Variants in LRPPRC observed in about 807,000 individuals in gnomAD.
LRPPRC encodes leucine rich pentatricopeptide repeat containing.
A neutral mutation model predicts 180.3 loss-of-function variants in LRPPRC; 120 were observed. The observed-to-expected ratio is 0.67, with a 90% confidence interval of 0.57 to 0.77. The LOEUF is 0.77. LRPPRC is among the 30% of genes least tolerant of loss of function. The pLI is 0.00. For missense variants in LRPPRC, 2,012 were observed against 1,657.2 expected (o/e 1.21, Z -3.72); for synonymous variants, 723 against 600.0 (o/e 1.21, Z -3.00).
chr2:43,957,758 T>A (rs1161461350), intron 13 of LRPPRC, among the ~76,000 whole-genome samples: 2 of 152,130 alleles, frequency 1.3e-5, no homozygotes, highest in Non-Finnish European at 2.9e-5. Context: ...GTACACACAC[T>A]GAGGCTGTAT....
intron 11 of LRPPRC, 39 bp from the exon 12 acceptor site, chr2:43,963,745 TAGAATA>T: frequency 9.6e-7 from 1 of 1,045,772 alleles, no homozygotes; most frequent in Non-Finnish European, 1.5e-6. Flanking sequence ...ATAGAGAACT[TAGAATA>T]AAGTAAGAAA....
chr2:43,889,229 C>G (rs1279698495), intron 37 of LRPPRC, among the ~76,000 whole-genome samples: 2 of 139,602 alleles, frequency 1.4e-5, no homozygotes, highest in East Asian at 2.2e-4. Flanking sequence ...GCAGGAGAAT[C>G]GCTTGGACCT....
chr2:43,918,866 T>TCTCTATATATAG (rs1558938812), intron 27 of LRPPRC, among the ~76,000 whole-genome samples: 1 of 149,128 alleles, frequency 6.7e-6, no homozygotes, highest in African/African-American at 2.4e-5. Context: ...TATATAGATA[T>TCTCTATATATAG]AGATAGATAG....
At chr2:43,954,166 C>G (rs181507032) in intron 14 of LRPPRC, among the ~76,000 whole-genome samples, 1 of 152,274 alleles carries the variant, frequency 6.6e-6, no homozygotes, top group Non-Finnish European at 1.5e-5. Context: ...ACATTTCTCT[C>G]TCATCTCTGC....
chr2:43,896,952 A>G (rs1670709179), intron 34 of LRPPRC, among the ~76,000 whole-genome samples: 1 of 152,222 alleles, frequency 6.6e-6, no homozygotes. Flanking sequence ...GAAAAGGGAA[A>G]AATTAAACTA....
chr2:43,889,986 G>A (rs1670428500), intron 36 of LRPPRC, 110 bp from the exon 37 acceptor site: 3 of 752,320 alleles, frequency 4.0e-6, no homozygotes, highest in South Asian at 1.5e-5. Context: ...CACGGCAAAT[G>A]AACACTTAAC....
chr2:43,969,179 G>A (rs1198732175), intron 11 of LRPPRC, among the ~76,000 whole-genome samples: 2 of 152,164 alleles, frequency 1.3e-5, no homozygotes, highest in Non-Finnish European at 2.9e-5. Flanking sequence ...TTGGGAGGCC[G>A]AGGCGGGTGG....
chr2:43,921,097 G>C (rs1405015985), intron 27 of LRPPRC, among the ~76,000 whole-genome samples: 2 of 152,106 alleles, frequency 1.3e-5, no homozygotes, highest in Non-Finnish European at 2.9e-5. Flanking sequence ...TTCGAGACCA[G>C]CCTGGACAAC....
intron 11 of LRPPRC, among the ~76,000 whole-genome samples, chr2:43,965,513 T>C (rs1186252900): frequency 6.6e-6 from 1 of 152,100 alleles, no homozygotes; most frequent in Admixed American, 6.5e-5. Flanking sequence ...AACAGTGAAG[T>C]GGAACCACAT....
intron 25 of LRPPRC, among the ~76,000 whole-genome samples, chr2:43,932,426 A>G (rs1313605265): frequency 6.6e-6 from 1 of 152,128 alleles, no homozygotes. Context: ...CATGACTTGT[A>G]GTATTCTTTC....
At chr2:43,938,413 A>G (rs1672351614) in intron 23 of LRPPRC, among the ~76,000 whole-genome samples, 1 of 152,228 alleles carries the variant, frequency 6.6e-6, no homozygotes, top group South Asian at 2.1e-4. Context: ...TATATATGAG[A>G]TAGGCTGGGT....
At chr2:43,957,602 G>T (rs984567280) in intron 13 of LRPPRC, 151 bp from the exon 14 acceptor site, 3 of 677,358 alleles carry the variant, frequency 4.4e-6, no homozygotes, top group Non-Finnish European at 8.0e-6. Flanking sequence ...TACAAAATTA[G>T]ACAATGCAGT....
chr2:43,970,365 A>C (rs1036068406), intron 11 of LRPPRC, among the ~76,000 whole-genome samples: 2 of 152,214 alleles, frequency 1.3e-5, no homozygotes, highest in African/African-American at 2.4e-5. Context: ...CTGAGAGAGC[A>C]GACAAAGAAA....
chr2:43,974,781 G>A, intron 7 of LRPPRC, 23 bp from the exon 8 acceptor site: 1 of 1,609,788 alleles, frequency 6.2e-7, no homozygotes, highest in East Asian at 2.2e-5. Flanking sequence ...CCAGAAATTA[G>A]AAGACAAAGT....
intron 30 of LRPPRC, 76 bp downstream of exon 30, chr2:43,912,356 A>G: frequency 7.6e-7 from 1 of 1,310,050 alleles, no homozygotes; most frequent in Non-Finnish European, 1.1e-6. Context: ...ACAGCACATT[A>G]CTATTATAAT....
At chr2:43,988,602 T>C (rs1674637487) in intron 1 of LRPPRC, among the ~76,000 whole-genome samples, 1 of 152,070 alleles carries the variant, frequency 6.6e-6, no homozygotes, top group African/African-American at 2.4e-5. Context: ...AGGTGCTCAA[T>C]AAATGCCTCT....
intron 27 of LRPPRC, among the ~76,000 whole-genome samples, chr2:43,918,984 T>C (rs977877433): frequency 3.3e-5 from 5 of 152,036 alleles, no homozygotes; most frequent in African/African-American, 1.2e-4. Flanking sequence ...ATCTATGATC[T>C]TTGCAAAGGC....
chr2:43,974,326 A>C lies in LRPPRC; in HGVS notation c.1010-31T>G, dbSNP rs368145745. Reference sequence around the variant, plus strand: ...AAGAAAACAAAGACATCTTTTGTTAATAAACTGAACAATATTTTTACACTG... The same window carrying C: ...AAGAAAACAAAGACATCTTTTGTTACTAAACTGAACAATATTTTTACACTG... On this transcript the variant is annotated intron_variant, in intron 8 of 37. Transcript: ENST00000260665. 3 of 1,535,884 alleles carry C rather than the reference A, an allele frequency of 2.0e-6. No homozygotes were observed. The South Asian group carries it at 3.4e-5, about 17-fold the overall frequency.
intron 11 of LRPPRC, among the ~76,000 whole-genome samples, chr2:43,964,269 T>C (rs898632525): frequency 2.0e-5 from 3 of 152,182 alleles, no homozygotes; most frequent in Non-Finnish European, 4.4e-5. Flanking sequence ...GTTTCCTCTA[T>C]CTCATTTCCC....
Sources: allele counts gnomAD v4.1 joint callset (sites outside exome capture counted in the v4.1 genomes callset), GRCh38; gene constraint gnomAD v4.1.1; transcripts MANE v1.5; gene names NCBI Gene and HGNC (gene_info 2026-07-23, HGNC 2026-07-21).